Variants in TRIO observed in about 807,000 individuals in gnomAD.
TRIO encodes trio Rho guanine nucleotide exchange factor.
Under a neutral mutation model 351.9 loss-of-function variants are expected in TRIO, and 58 were observed. The observed-to-expected ratio is 0.16, with a 90% confidence interval of 0.13 to 0.21. TRIO has a LOEUF of 0.21. Ranked by LOEUF, TRIO falls within the 10% of genes least tolerant of loss-of-function variation. The pLI, the probability that TRIO is intolerant of heterozygous loss-of-function variation, is 1.00. For missense variants in TRIO, 3,201 were observed against 4,027.8 expected (o/e 0.79, Z 5.56); for synonymous variants, 1,758 against 1,595.7 (o/e 1.10, Z -2.42).
intron 9 of TRIO, among the ~76,000 whole-genome samples, chr5:14,323,457 G>A (rs1740074115): frequency 6.6e-6 from 1 of 152,188 alleles, no homozygotes; most frequent in Admixed American, 6.5e-5. Flanking sequence ...TAGTCACAGG[G>A]AACAGGCTTT....
intron 34 of TRIO, among the ~76,000 whole-genome samples, chr5:14,438,062 A>G (rs1321964710): frequency 6.6e-6 from 1 of 152,216 alleles, no homozygotes; most frequent in African/African-American, 2.4e-5. Context: ...TAAAATGTCA[A>G]AAATTATCAA....
intron 34 of TRIO, among the ~76,000 whole-genome samples, chr5:14,426,356 A>T (rs1408766319): frequency 3.3e-5 from 5 of 152,194 alleles, no homozygotes; most frequent in Non-Finnish European, 7.3e-5. Flanking sequence ...CATCAAATAC[A>T]AATACAAATC....
Position 14,483,055 on chromosome 5 carries a change from G to A in TRIO, c.6657+282G>A, listed in dbSNP as rs7706559. Among the ~76,000 whole-genome samples, 42,771 of 151,920 alleles carry A rather than the reference G, an allele frequency of 0.28. 6,227 individuals carry two copies. Among genetic ancestry groups the A allele is most frequent in the Middle Eastern group, 0.4 (118 of 294 alleles). ...TTTATGCACCCCCTTCTCTAGGACC[G>A]AGGAAAACTGGTTTAAATTTGATAG... On this transcript the variant is annotated intron_variant, in intron 46 of 56. Transcript: ENST00000344204.
At position 14,363,866 on chromosome 5, in the gene TRIO, T is replaced by A; in HGVS notation, c.2526T>A (p.Thr842=). ...AAGCCTTGACCATGAACAACTTGAC[T>A]TTTGACGTCATCCACCAAGGGCAAG... ...ADKALTMNNL[T]FDVIHQGQDL... is the part of the protein sequence containing the mutation. Residue 842 remains threonine (T), a synonymous_variant, in exon 14 of 57, where the codon ACT becomes ACA. Transcript: ENST00000344204. The A allele has an allele frequency of 1.2e-6, 2 of 1,614,194 alleles. No homozygotes were observed. The highest frequency in any genetic ancestry group is 1.7e-6 in the Non-Finnish European group (2 of 1,180,028).
intron 34 of TRIO, among the ~76,000 whole-genome samples, chr5:14,444,533 A>C (rs1285604760): frequency 6.6e-6 from 1 of 152,192 alleles, no homozygotes; most frequent in Non-Finnish European, 1.5e-5. Context: ...TACCTGTGTG[A>C]TCTTATAAGT....
chr5:14,500,495 G>A (rs572765591), intron 53 of TRIO, among the ~76,000 whole-genome samples: 68 of 152,282 alleles, frequency 4.5e-4, no homozygotes, highest in African/African-American at 1.6e-3. Flanking sequence ...TGGAGGCATT[G>A]GCCCTGCACC....
intron 1 of TRIO, among the ~76,000 whole-genome samples, chr5:14,175,813 T>C (rs1789370955): frequency 6.6e-6 from 1 of 152,218 alleles, no homozygotes; most frequent in Non-Finnish European, 1.5e-5. Context: ...GTCATGAAAA[T>C]AGACGGGATA....
chr5:14,300,224 G>A (rs1278865084), intron 7 of TRIO, among the ~76,000 whole-genome samples: 1 of 152,194 alleles, frequency 6.6e-6, no homozygotes, highest in Non-Finnish European at 1.5e-5. Flanking sequence ...GATACCATTA[G>A]AATTAACATT....
chr5:14,386,409 G>T (rs1283870200), intron 21 of TRIO, among the ~76,000 whole-genome samples: 1 of 152,178 alleles, frequency 6.6e-6, no homozygotes, highest in African/African-American at 2.4e-5. Context: ...GTTACCCAGT[G>T]AATTATGGCT....
chr5:14,185,044 C>G (rs991504510), intron 1 of TRIO, among the ~76,000 whole-genome samples: 2 of 152,130 alleles, frequency 1.3e-5, no homozygotes, highest in Non-Finnish European at 2.9e-5. Context: ...TAGGATTTCC[C>G]TAAAACTTAT....
chr5:14,190,106 G>A (rs16903270), intron 1 of TRIO, among the ~76,000 whole-genome samples: 5,029 of 152,154 alleles, frequency 0.033, 286 homozygotes, highest in African/African-American at 0.12. Flanking sequence ...TTGTAAGTGG[G>A]TCTATAGAGA....
At chr5:14,424,350 A>G (rs1326251028) in intron 34 of TRIO, among the ~76,000 whole-genome samples, 2 of 152,206 alleles carry the variant, frequency 1.3e-5, no homozygotes, top group Non-Finnish European at 2.9e-5. Context: ...ACTTATAAAA[A>G]TTAACCTTTA....
intron 8 of TRIO, among the ~76,000 whole-genome samples, chr5:14,306,722 C>A (rs115648898): frequency 2.0e-5 from 3 of 152,294 alleles, no homozygotes; most frequent in African/African-American, 7.2e-5. Context: ...AAATCAGAAT[C>A]ACCTTGACCC....
Position 14,507,391 on chromosome 5 carries a change from C to T in TRIO, c.8751+131C>T, listed in dbSNP as rs554003518. 2.6e-5 allele frequency: 34 copies of T among 1,294,614 alleles called. 1 individual carries two copies. The highest frequency in any genetic ancestry group is 1.7e-4 in the South Asian group (12 of 72,432). The allele number at this position is 1,294,614 out of a possible 1,614,324, so 80.2% of individuals were successfully genotyped here. A position where few individuals can be genotyped will look rare whatever the true frequency, so the allele number is the denominator to read the frequency against. ...GGGACAAAAAGGGTGGGTGGGGCAG[C>T]GCAGACACTGATTGCTAATCTCTCT... On this transcript the variant is annotated intron_variant, in intron 56 of 56. Coordinates refer to ENST00000344204, the MANE Select transcript of TRIO (RefSeq NM_007118.4).
chr5:14,490,458 G>C (rs1469397672), intron 48 of TRIO, among the ~76,000 whole-genome samples: 1 of 152,260 alleles, frequency 6.6e-6, no homozygotes, highest in Non-Finnish European at 1.5e-5. Flanking sequence ...CTGACAGCAG[G>C]AGTGACATGG....
chr5:14,315,180 C>T (rs1739271980), intron 8 of TRIO, among the ~76,000 whole-genome samples: 2 of 151,778 alleles, frequency 1.3e-5, no homozygotes, highest in South Asian at 2.1e-4. Context: ...TCCCTGTGTG[C>T]TCTTTTTTAT....
chr5:14,276,994 A>G (rs1735575949), intron 2 of TRIO, among the ~76,000 whole-genome samples: 1 of 152,232 alleles, frequency 6.6e-6, no homozygotes, highest in Non-Finnish European at 1.5e-5. Flanking sequence ...CTTAGCATCC[A>G]CAGGATATCC....
rs543945022 is a variant in TRIO, at chr5:14,214,708, A to T, written c.158-56117A>T. ...TTACCTAATTATTTTTTAATGGATG[A>T]ATGAAACCGAGTGTTATATTTCACT... is the stretch of plus-strand genomic sequence containing the variant. On this transcript the variant is annotated intron_variant, in intron 1 of 56. Coordinates refer to ENST00000344204, the MANE Select transcript of TRIO (RefSeq NM_007118.4). Among the ~76,000 whole-genome samples the T allele has an allele frequency of 5.9e-5, 9 of 152,346 alleles. No homozygotes were observed. In the East Asian group the frequency reaches 1.7e-3, roughly 29 times the overall value.
chr5:14,382,462 G>A (rs1427527838), intron 21 of TRIO, among the ~76,000 whole-genome samples: 1 of 152,162 alleles, frequency 6.6e-6, no homozygotes, highest in African/African-American at 2.4e-5. Context: ...ACACAGGCAA[G>A]CAGGGCTGCA....
Sources: gnomAD v4.1 joint callset for allele counts (sites outside exome capture counted in the v4.1 genomes callset) on GRCh38, gnomAD v4.1.1 for gene constraint, MANE v1.5 for transcripts, NCBI Gene and HGNC (gene_info 2026-07-23, HGNC 2026-07-21) for gene names.